Variants in ELK3 observed in about 807,000 individuals in gnomAD.
ELK3 encodes ETS transcription factor ELK3, also known as ETS domain-containing protein Elk-3.
A neutral mutation model predicts 28.9 loss-of-function variants in ELK3; 10 were observed. That is an observed-to-expected ratio of 0.35 (90% CI 0.21 to 0.59). The LOEUF (loss-of-function observed/expected upper bound fraction) is 0.59. Among genes scored for constraint, ELK3 ranks in the 20% least tolerant of loss-of-function variants. ELK3 has a pLI of 0.82. For missense variants in ELK3, 463 were observed against 517.3 expected, an observed-to-expected ratio of 0.90 and a Z score of 1.02; for synonymous variants, 272 against 243.5, an observed-to-expected ratio of 1.12 and a Z score of -1.09.
At chr12:96,197,356 A>G (rs1951478255) in intron 1 of ELK3, among the ~76,000 whole-genome samples, 1 of 152,224 alleles carries the variant, frequency 6.6e-6, no homozygotes, top group Non-Finnish European at 1.5e-5. Flanking sequence ...TCAACAATGC[A>G]CAAGAAAGAA....
chr12:96,194,806 CG>C (rs1423317019), intron 1 of ELK3, 101 bp downstream of exon 1: 2 of 21,010 alleles, frequency 9.5e-5, no homozygotes, highest in South Asian at 2.4e-3. Flanking sequence ...GGGGGTGGGG[CG>C]GGGGGCGCCG....
intron 1 of ELK3, among the ~76,000 whole-genome samples, chr12:96,195,076 G>T (rs1951453694): frequency 6.6e-6 from 1 of 152,054 alleles, no homozygotes; most frequent in Non-Finnish European, 1.5e-5. Context: ...AGCGCGGGGA[G>T]CGGGGGACGG....
At chr12:96,256,954 A>C (rs976901970) in intron 3 of ELK3, among the ~76,000 whole-genome samples, 2 of 152,192 alleles carry the variant, frequency 1.3e-5, no homozygotes, top group African/African-American at 4.8e-5. Context: ...GAGTGGGGAA[A>C]ATGAAAAGGG....
chr12:96,267,282 T>G lies in ELK3; in HGVS notation c.*102T>G. On this transcript the variant is annotated 3_prime_UTR_variant, in exon 5 of 5. Transcript: ENST00000228741. ...GAGAAGGACATTGTGAAACTCTTGT[T>G]AATTTGGTTTGCACTTTTCATAACA... 3 of 1,007,842 alleles carry G rather than the reference T, an allele frequency of 3.0e-6. No individual in the cohort carries two copies. Among genetic ancestry groups the G allele is most frequent in the Non-Finnish European group, 4.3e-6 (3 of 699,656 alleles). 62.4% of individuals were successfully genotyped at this position (1,007,842 alleles called of 1,614,324 possible).
At chr12:96,234,171 GCAC>G (rs1951763329) in intron 2 of ELK3, among the ~76,000 whole-genome samples, 1 of 152,202 alleles carries the variant, frequency 6.6e-6, no homozygotes, top group Non-Finnish European at 1.5e-5. Context: ...TGCCTGTCTT[GCAC>G]GTGCTTCCAG....
rs565659150 is a variant in ELK3, at chr12:96,243,763, A to G, written c.208-3177A>G. Among the ~76,000 whole-genome samples, 107 of 152,078 alleles carry G rather than the reference A, an allele frequency of 7.0e-4. 1 individual carries two copies. The Middle Eastern group carries it at 0.014, about 19-fold the overall frequency. On this transcript the variant is annotated intron_variant, in intron 2 of 4. Coordinates refer to ENST00000228741, the MANE Select transcript of ELK3 (RefSeq NM_005230.4). Reference sequence around the variant, plus strand: ...GAGGCTGAGGCAGGAGAATGGCGTGAATCAGGGAGGCGGAGCTTGCAGTGA... The same window carrying G: ...GAGGCTGAGGCAGGAGAATGGCGTGGATCAGGGAGGCGGAGCTTGCAGTGA...
intron 2 of ELK3, among the ~76,000 whole-genome samples, chr12:96,240,705 A>G (rs1951814902): frequency 6.6e-6 from 1 of 152,160 alleles, no homozygotes; most frequent in Non-Finnish European, 1.5e-5. Context: ...CAGTTTTGAG[A>G]ACGAGGTAGG....
At chr12:96,221,038 C>T (rs11837546) in intron 1 of ELK3, among the ~76,000 whole-genome samples, 75,496 of 151,900 alleles carry the variant, frequency 0.5, 20,078 homozygotes, top group Middle Eastern at 0.65. Flanking sequence ...GACCCCAACT[C>T]GGCAATGGGA....
At chr12:96,232,168 C>T (rs903150571) in intron 2 of ELK3, among the ~76,000 whole-genome samples, 1 of 152,164 alleles carries the variant, frequency 6.6e-6, no homozygotes, top group Non-Finnish European at 1.5e-5. Context: ...CTTTCAAGCA[C>T]AGAGTATCTT....
intron 1 of ELK3, among the ~76,000 whole-genome samples, chr12:96,194,949 C>T (rs1282265294): frequency 6.7e-6 from 1 of 149,440 alleles, no homozygotes; most frequent in African/African-American, 2.4e-5. Flanking sequence ...CGCGCCGGGC[C>T]CGGGGCTGCG....
intron 1 of ELK3, among the ~76,000 whole-genome samples, chr12:96,197,177 C>A (rs1951476574): frequency 6.6e-6 from 1 of 152,126 alleles, no homozygotes; most frequent in Non-Finnish European, 1.5e-5. Context: ...ATTCCTCCTT[C>A]TAAGTAATTA....
intron 1 of ELK3, among the ~76,000 whole-genome samples, chr12:96,220,765 T>A (rs1327029328): frequency 6.6e-6 from 1 of 152,086 alleles, no homozygotes; most frequent in Non-Finnish European, 1.5e-5. Context: ...ATTTTTTTTT[T>A]AAACAAAGAC....
At chr12:96,265,947 C>G (rs1168543990) in intron 4 of ELK3, among the ~76,000 whole-genome samples, 1 of 152,076 alleles carries the variant, frequency 6.6e-6, no homozygotes, top group Admixed American at 6.5e-5. Context: ...TAACTCCTAC[C>G]AAAATAAAAA....
intron 1 of ELK3, among the ~76,000 whole-genome samples, chr12:96,215,330 G>A (rs536181631): frequency 6.6e-6 from 1 of 152,190 alleles, no homozygotes; most frequent in African/African-American, 2.4e-5. Flanking sequence ...TAAGGGGTCT[G>A]TGCGGCCCTT....
chr12:96,217,647 A>G lies in ELK3; in HGVS notation c.-2-5918A>G, dbSNP rs12299839. Among the ~76,000 whole-genome samples the G allele has an allele frequency of 1.5e-3, 235 of 152,084 alleles. 1 individual carries two copies. Among genetic ancestry groups the G allele is most frequent in the African/African-American group, 5.2e-3 (217 of 41,492 alleles). On this transcript the variant is annotated intron_variant, in intron 1 of 4. Transcript: ENST00000228741. ...TTGAAAATTATTTTTTAACAAACCA[A>G]TTCCTCAGCTGGGCACAGTGGCTCA...
intron 2 of ELK3, among the ~76,000 whole-genome samples, chr12:96,244,594 C>T (rs1002727335): frequency 3.3e-5 from 5 of 151,838 alleles, no homozygotes; most frequent in Admixed American, 6.6e-5. Flanking sequence ...TATTTAGGCT[C>T]TAAAAACTTC....
intron 2 of ELK3, among the ~76,000 whole-genome samples, chr12:96,225,654 G>C (rs1000320951): frequency 6.6e-6 from 1 of 152,184 alleles, no homozygotes; most frequent in African/African-American, 2.4e-5. Flanking sequence ...CTGCCCAGGT[G>C]CACACAGCCA....
Position 96,259,726 on chromosome 12 carries a change from C to T in ELK3, c.1003-5C>T, listed in dbSNP as rs1042069904. On this transcript the variant is annotated splice_region_variant and splice_polypyrimidine_tract_variant and intron_variant, in intron 3 of 4. Transcript: ENST00000228741. Reference sequence around the variant, plus strand: ...ATGAAGAAGTCTGTTTGCTTTACTTCCCAGACACCAAATGGATTGCTTCTG... The same window carrying T: ...ATGAAGAAGTCTGTTTGCTTTACTTTCCAGACACCAAATGGATTGCTTCTG... 8.7e-6 allele frequency: 14 copies of T among 1,605,898 alleles called. No individual in the cohort carries two copies. The highest frequency in any genetic ancestry group is 1.0e-5 in the Non-Finnish European group (12 of 1,176,150).
At chr12:96,223,841 G>A (rs1252950159) in intron 2 of ELK3, 68 bp downstream of exon 2, 25 of 1,480,980 alleles carry the variant, frequency 1.7e-5, no homozygotes, top group Non-Finnish European at 2.2e-5. Context: ...GTTCACTGAT[G>A]AAAGAAAATA....
Sources: gnomAD v4.1 joint callset for allele counts (sites outside exome capture counted in the v4.1 genomes callset) on GRCh38, gnomAD v4.1.1 for gene constraint, MANE v1.5 for transcripts, NCBI Gene and HGNC (gene_info 2026-07-23, HGNC 2026-07-21) for gene names.